COL25A1: variants seen among roughly 807,000 people sequenced by gnomAD.
The protein encoded by COL25A1 is collagen alpha-1(XXV) chain.
Under a neutral mutation model 128.4 loss-of-function variants are expected in COL25A1, and 103 were observed. The ratio of observed to expected loss-of-function variants is 0.80; its 90% CI spans 0.68 to 0.94. The LOEUF (loss-of-function observed/expected upper bound fraction) is 0.94, where lower values mean the gene tolerates loss of function less well. Ranked by LOEUF, COL25A1 falls within the 40% of genes least tolerant of loss-of-function variation. The probability of loss-of-function intolerance (pLI) is 0.00; values close to 1 mark genes in which losing one functional copy is unlikely to be tolerated. For missense variants in COL25A1, 745 were observed against 840.0 expected (o/e 0.89, Z 1.40); for synonymous variants, 279 against 277.2 (o/e 1.01, Z -0.06).
chr4:108,900,794 ACC>A (rs1742745004), intron 14 of COL25A1, among the ~76,000 whole-genome samples: 1 of 152,114 alleles, frequency 6.6e-6, no homozygotes, highest in Non-Finnish European at 1.5e-5. Context: ...TATGGACATG[ACC>A]TATGTTTTTA....
At chr4:108,876,063 C>T (rs1331159825) in intron 19 of COL25A1, among the ~76,000 whole-genome samples, 11 of 151,718 alleles carry the variant, frequency 7.3e-5, no homozygotes, top group Non-Finnish European at 1.0e-4. Flanking sequence ...GGCCTGTCAG[C>T]GGGTGGAGGG....
chr4:108,889,016 C>A (rs944796262), intron 18 of COL25A1, among the ~76,000 whole-genome samples: 13 of 152,170 alleles, frequency 8.5e-5, no homozygotes, highest in African/African-American at 2.9e-4. Context: ...CACAAAGCAT[C>A]TTTTACATAT....
At chr4:108,819,435 T>A (rs1731560948) in intron 35 of COL25A1, 106 bp from the exon 36 acceptor site, 1 of 842,714 alleles carries the variant, frequency 1.2e-6, no homozygotes, top group Admixed American at 2.5e-5. Flanking sequence ...GAGGAGCAAC[T>A]CTGAAGGGAA....
intron 3 of COL25A1, among the ~76,000 whole-genome samples, chr4:109,258,575 T>C (rs1480315180): frequency 6.6e-6 from 1 of 152,222 alleles, no homozygotes; most frequent in Non-Finnish European, 1.5e-5. Context: ...TGTTACATTA[T>C]TAAGTTTATA....
chr4:109,181,262 C>G (rs1008530615), intron 3 of COL25A1, among the ~76,000 whole-genome samples: 1 of 152,078 alleles, frequency 6.6e-6, no homozygotes, highest in Non-Finnish European at 1.5e-5. Flanking sequence ...TGGATCATCT[C>G]CCTGAAAATT....
intron 3 of COL25A1, among the ~76,000 whole-genome samples, chr4:109,270,588 C>T (rs1324624863): frequency 6.6e-6 from 1 of 152,164 alleles, no homozygotes; most frequent in Non-Finnish European, 1.5e-5. Context: ...CAGTCTAGCA[C>T]TGCTTCACGA....
At chr4:108,834,281 G>A in intron 31 of COL25A1, 4 of 1,425,494 alleles carry the variant, frequency 2.8e-6, no homozygotes, top group Non-Finnish European at 3.9e-6. Flanking sequence ...AGGACATGGA[G>A]CAAAGGGGTC....
At chr4:109,229,115 C>T (rs1778994211) in intron 3 of COL25A1, among the ~76,000 whole-genome samples, 2 of 152,116 alleles carry the variant, frequency 1.3e-5, no homozygotes. Flanking sequence ...CTGCTAAAAA[C>T]ATAACATAGT....
chr4:109,026,768 C>G (rs906304823), intron 5 of COL25A1, among the ~76,000 whole-genome samples: 1 of 152,058 alleles, frequency 6.6e-6, no homozygotes, highest in Non-Finnish European at 1.5e-5. Flanking sequence ...TGTTTACAAA[C>G]GGACAGGACA....
At chr4:108,852,332 A>C (rs1376442400) in intron 25 of COL25A1, 52 bp from the exon 26 acceptor site, 1 of 1,338,174 alleles carries the variant, frequency 7.5e-7, no homozygotes. Context: ...ATGTATTAAA[A>C]TTCATACCTT....
chr4:109,207,613 G>C lies in COL25A1; in HGVS notation c.367+92970C>G, dbSNP rs1578439387. Among the ~76,000 whole-genome samples, 3 of 152,254 alleles carry C rather than the reference G, an allele frequency of 2.0e-5. No individual in the cohort carries two copies. The South Asian group carries it at 6.2e-4, about 32-fold the overall frequency. ...TTTAACAAGAAAACACTGCTTATAT[G>C]TTCAGATAAGTGTTAAAGAAAACAG... On this transcript the variant is annotated intron_variant, in intron 3 of 37. Transcript: ENST00000399132.
At chr4:108,937,048 G>T (rs1374372375) in intron 11 of COL25A1, among the ~76,000 whole-genome samples, 3 of 152,002 alleles carry the variant, frequency 2.0e-5, no homozygotes, top group Non-Finnish European at 4.4e-5. Context: ...GGCAATCTCT[G>T]GGCCCATTCC....
intron 15 of COL25A1, among the ~76,000 whole-genome samples, 190 bp from the exon 16 acceptor site, chr4:108,896,901 A>T (rs1190754094): frequency 6.6e-6 from 1 of 152,226 alleles, no homozygotes; most frequent in Non-Finnish European, 1.5e-5. Context: ...TACAACTAAC[A>T]TGGCTGAACA....
chr4:109,049,950 T>C (rs1275671572), intron 4 of COL25A1, among the ~76,000 whole-genome samples, 185 bp downstream of exon 4: 3 of 152,178 alleles, frequency 2.0e-5, no homozygotes, highest in African/African-American at 7.2e-5. Context: ...CTTTTTACAG[T>C]TTAATAGAAA....
chr4:109,098,019 A>G (rs1304254093), intron 3 of COL25A1, among the ~76,000 whole-genome samples: 10 of 152,158 alleles, frequency 6.6e-5, no homozygotes, highest in Non-Finnish European at 1.5e-4. Context: ...GAGCAATGAC[A>G]TTCTCTAGGG....
chr4:108,854,653 C>T (rs1443866530), intron 24 of COL25A1, among the ~76,000 whole-genome samples: 22 of 151,986 alleles, frequency 1.4e-4, no homozygotes, highest in Non-Finnish European at 2.9e-5. Flanking sequence ...AAATCAAAAC[C>T]ACAATGAGAT....
chr4:108,811,074 C>T lies in COL25A1; in HGVS notation c.*2853G>A. 6.6e-6 allele frequency: 1 copy of T among 152,026 alleles called. No individual in the cohort carries two copies. Among genetic ancestry groups the T allele is most frequent in the Non-Finnish European group, 1.5e-5 (1 of 67,906 alleles). 9.4% of individuals were successfully genotyped at this position (152,026 alleles called of 1,614,324 possible). ...TTTCTCAACCCTCTATCCAATAACACACATTAAAGAAATCTTTAAGGAAAG... is the reference window on the plus strand; with the variant it reads ...TTTCTCAACCCTCTATCCAATAACATACATTAAAGAAATCTTTAAGGAAAG... On this transcript the variant is annotated 3_prime_UTR_variant, in exon 38 of 38. Coordinates refer to ENST00000399132, the MANE Select transcript of COL25A1 (RefSeq NM_198721.4).
chr4:108,969,762 G>A (rs532102247), intron 8 of COL25A1, among the ~76,000 whole-genome samples: 7 of 151,110 alleles, frequency 4.6e-5, no homozygotes, highest in Admixed American at 1.3e-4. Context: ...TCTCCACTGA[G>A]GACTGGACAT....
chr4:109,165,343 A>G (rs1772972141), intron 3 of COL25A1, among the ~76,000 whole-genome samples: 1 of 152,166 alleles, frequency 6.6e-6, no homozygotes, highest in African/African-American at 2.4e-5. Context: ...ATAATTTCCA[A>G]AAAAAGAAAA....
Sources: gnomAD v4.1 joint callset for allele counts (sites outside exome capture counted in the v4.1 genomes callset) on GRCh38, gnomAD v4.1.1 for gene constraint, MANE v1.5 for transcripts, NCBI Gene and HGNC (gene_info 2026-07-23, HGNC 2026-07-21) for gene names.